The following TAFA4 variants were observed in gnomAD, a reference collection of about 807,000 sequenced individuals.
The protein encoded by TAFA4 is TAFA chemokine like family member 4.
In TAFA4, 20 loss-of-function variants were observed where a neutral mutation model predicts 21.1. The ratio of observed to expected loss-of-function variants is 0.95; its 90% CI spans 0.67 to 1.38. The LOEUF (loss-of-function observed/expected upper bound fraction) is 1.38, where lower values mean the gene tolerates loss of function less well. Among genes scored for constraint, TAFA4 ranks in the 40% most tolerant of loss-of-function variants. The probability of loss-of-function intolerance (pLI) is 0.00; values close to 1 mark genes in which losing one functional copy is unlikely to be tolerated. For synonymous variants in TAFA4, 71 were observed against 67.4 expected (o/e 1.05, Z -0.26); for missense variants, 211 against 180.9 (o/e 1.17, Z -0.95).
intron 3 of TAFA4, among the ~76,000 whole-genome samples, chr3:68,785,262 CGCACTGGGGCT>C (rs1402766898): frequency 6.6e-6 from 1 of 152,192 alleles, no homozygotes; most frequent in Non-Finnish European, 1.5e-5. Flanking sequence ...CAGTGGATCT[CGCACTGGGGCT>C]GCAGGTGGAG....
At chr3:68,824,581 C>G (rs1704184921) in intron 3 of TAFA4, among the ~76,000 whole-genome samples, 1 of 152,200 alleles carries the variant, frequency 6.6e-6, no homozygotes, top group South Asian at 2.1e-4. Flanking sequence ...CTGCAAAGCC[C>G]TTTTCACCAT....
In TAFA4 at chr3:68,911,420, C is replaced by G. The variant is rs543200160; in HGVS notation, c.-123+20820G>C. Among the ~76,000 whole-genome samples the G allele has an allele frequency of 4.6e-5, 7 of 152,340 alleles. No homozygotes were observed. In the East Asian group the frequency reaches 1.4e-3, roughly 29 times the overall value. ...CTAACAAAGACTTATGTGTCAAGCA[C>G]TGTGCTCAACAAGGTCCCATGCTAG... On this transcript the variant is annotated intron_variant, in intron 1 of 5. Coordinates refer to ENST00000295569, the MANE Select transcript of TAFA4 (RefSeq NM_182522.5).
intron 1 of TAFA4, among the ~76,000 whole-genome samples, chr3:68,929,778 G>A (rs528251601): frequency 1.3e-4 from 20 of 152,172 alleles, no homozygotes; most frequent in Non-Finnish European, 2.6e-4. Flanking sequence ...TCTTAGTATA[G>A]AAATACCCAA....
chr3:68,874,204 T>A (rs1014118687), intron 3 of TAFA4, among the ~76,000 whole-genome samples: 2 of 152,144 alleles, frequency 1.3e-5, no homozygotes, highest in Non-Finnish European at 2.9e-5. Context: ...TAAGCATTGA[T>A]GGTACTTGGC....
At chr3:68,917,495 C>A (rs181723996) in intron 1 of TAFA4, among the ~76,000 whole-genome samples, 2 of 152,116 alleles carry the variant, frequency 1.3e-5, no homozygotes, top group East Asian at 1.9e-4. Flanking sequence ...TGGCTCACAC[C>A]TGTAATCCCA....
chr3:68,889,046 T>C lies in TAFA4; in HGVS notation c.-122-3736A>G, dbSNP rs568731618. Among the ~76,000 whole-genome samples, 16 of 152,378 alleles carry C rather than the reference T, an allele frequency of 1.1e-4. No individual in the cohort carries two copies. The South Asian group carries it at 3.1e-3, about 30-fold the overall frequency. ...TTTATTCCTCTGTTGTTCCCAACTA[T>C]AACACAGTCCTTTCTATCAGTCTGC... On this transcript the variant is annotated intron_variant, in intron 1 of 5. Transcript: ENST00000295569.
intron 3 of TAFA4, among the ~76,000 whole-genome samples, chr3:68,779,520 G>A (rs1056538375): frequency 6.6e-6 from 1 of 152,136 alleles, no homozygotes; most frequent in South Asian, 2.1e-4. Flanking sequence ...TGTGCATCTA[G>A]GGACTTAGTG....
chr3:68,854,721 T>C (rs919580490), intron 3 of TAFA4, among the ~76,000 whole-genome samples: 1 of 152,060 alleles, frequency 6.6e-6, no homozygotes, highest in African/African-American at 2.4e-5. Context: ...TGGTTGTGTA[T>C]TTTATTAGTT....
At chr3:68,742,427 T>C (rs559176899) in intron 4 of TAFA4, among the ~76,000 whole-genome samples, 83 of 131,306 alleles carry the variant, frequency 6.3e-4, no homozygotes, top group African/African-American at 2.2e-3. Context: ...ACTCAAACTA[T>C]GCTGCCTGTG....
At chr3:68,771,684 T>C (rs1379463001) in intron 3 of TAFA4, among the ~76,000 whole-genome samples, 1 of 152,076 alleles carries the variant, frequency 6.6e-6, no homozygotes, top group Non-Finnish European at 1.5e-5. Context: ...CAGAAGAAGT[T>C]TAGATGTCAA....
At chr3:68,794,135 T>C (rs934939856) in intron 3 of TAFA4, among the ~76,000 whole-genome samples, 12 of 152,234 alleles carry the variant, frequency 7.9e-5, no homozygotes, top group Non-Finnish European at 7.3e-5. Flanking sequence ...CTTTGGTAGA[T>C]ACATGAGAAT....
intron 3 of TAFA4, among the ~76,000 whole-genome samples, chr3:68,769,401 C>T (rs1029011300): frequency 6.6e-6 from 1 of 152,120 alleles, no homozygotes; most frequent in Non-Finnish European, 1.5e-5. Context: ...ATGTAATGTG[C>T]TTCAGGCATT....
At chr3:68,907,225 A>C (rs966138344) in intron 1 of TAFA4, among the ~76,000 whole-genome samples, 8 of 152,162 alleles carry the variant, frequency 5.3e-5, no homozygotes, top group African/African-American at 1.9e-4. Flanking sequence ...GCTAATATCC[A>C]AAGTAGCCAC....
At chr3:68,774,225 A>G (rs186422683) in intron 3 of TAFA4, among the ~76,000 whole-genome samples, 364 of 152,324 alleles carry the variant, frequency 2.4e-3, no homozygotes, top group Non-Finnish European at 4.3e-3. Context: ...TGGAATTTAT[A>G]AACAAGGCCA....
At chr3:68,837,222 A>AAT (rs1704545455) in intron 3 of TAFA4, among the ~76,000 whole-genome samples, 1 of 152,236 alleles carries the variant, frequency 6.6e-6, no homozygotes. Flanking sequence ...TGCTATGCTA[A>AAT]ATGATGTCCA....
At chr3:68,858,733 C>T (rs951438055) in intron 3 of TAFA4, among the ~76,000 whole-genome samples, 1 of 151,976 alleles carries the variant, frequency 6.6e-6, no homozygotes, top group Non-Finnish European at 1.5e-5. Context: ...ACCTGTGTAA[C>T]GTCACACAGC....
chr3:68,737,147 T>A (rs1308138549), intron 5 of TAFA4, among the ~76,000 whole-genome samples: 1 of 152,144 alleles, frequency 6.6e-6, no homozygotes, highest in Non-Finnish European at 1.5e-5. Flanking sequence ...AATACAAATA[T>A]AATCTTCCAA....
chr3:68,888,838 G>C (rs529880523), intron 1 of TAFA4, among the ~76,000 whole-genome samples: 1 of 150,870 alleles, frequency 6.6e-6, no homozygotes, highest in Non-Finnish European at 1.5e-5. Flanking sequence ...TGAGGGTGGA[G>C]GCCTTATGAC....
intron 3 of TAFA4, among the ~76,000 whole-genome samples, chr3:68,771,845 C>T (rs1702964457): frequency 6.6e-6 from 1 of 152,168 alleles, no homozygotes; most frequent in Admixed American, 6.5e-5. Flanking sequence ...TTGTGTGTTA[C>T]CAAACCTGCT....
Sources: gnomAD v4.1 joint callset for allele counts (sites outside exome capture counted in the v4.1 genomes callset) on GRCh38, gnomAD v4.1.1 for gene constraint, MANE v1.5 for transcripts, NCBI Gene and HGNC (gene_info 2026-07-23, HGNC 2026-07-21) for gene names.